TP63: variants seen among roughly 807,000 people sequenced by gnomAD.
TP63 encodes tumor protein 63.
Under a neutral mutation model 82.8 loss-of-function variants are expected in TP63, and 17 were observed. The ratio of observed to expected loss-of-function variants is 0.21; its 90% CI spans 0.14 to 0.31. The LOEUF is 0.31. TP63 is among the 10% of genes least tolerant of loss of function. The pLI is 1.00. For missense variants in TP63, 648 were observed against 895.3 expected, an observed-to-expected ratio of 0.72 and a Z score of 3.52; for synonymous variants, 330 against 321.7, an observed-to-expected ratio of 1.03 and a Z score of -0.28.
At chr3:189,880,799 T>C in intron 10 of TP63, 1 of 985,442 alleles carries the variant, frequency 1.0e-6, no homozygotes. Flanking sequence ...TTGTGAGAAC[T>C]TGCATTATTT....
chr3:189,837,982 G>A (rs1713397215), intron 4 of TP63, among the ~76,000 whole-genome samples: 1 of 152,076 alleles, frequency 6.6e-6, no homozygotes, highest in South Asian at 2.1e-4. Context: ...TTTTAATTAG[G>A]CTGGAGATTA....
At chr3:189,735,680 C>T (rs1453531683) in intron 1 of TP63, among the ~76,000 whole-genome samples, 6 of 152,160 alleles carry the variant, frequency 3.9e-5, no homozygotes, top group African/African-American at 1.4e-4. Flanking sequence ...TTCTAAATAG[C>T]CGCTTTACCC....
At chr3:189,599,591 G>C in the TP63 span, among the ~76,000 whole-genome samples, 2 of 152,286 alleles carry the variant, frequency 1.3e-5, no homozygotes, top group South Asian at 2.1e-4. Flanking sequence ...CAGTGACGGC[G>C]ATCATGGCAG....
chr3:189,766,051 G>C (rs1477607148), intron 3 of TP63, among the ~76,000 whole-genome samples: 1 of 152,076 alleles, frequency 6.6e-6, no homozygotes, highest in South Asian at 2.1e-4. Context: ...AAGAAACATT[G>C]GTGCACAGGT....
rs751802317 is a variant in TP63 at position 189,869,717 on chromosome 3, GT to G, written c.1212+325del. On this transcript the variant is annotated intron_variant, in intron 9 of 13. Transcript: ENST00000264731. ...AGAGGGCTAGAGAGCTCTCTAGGGT[GT>G]TTTTTTTTTTTTTATAAGGGCAAAA... 4.0e-3 allele frequency among the ~76,000 whole-genome samples: 541 copies of G among 136,534 alleles called. 3 individuals are homozygous for G. Among genetic ancestry groups the G allele is most frequent in the Middle Eastern group, 0.016 (4 of 254 alleles). The allele number at this position is 136,534 out of a possible 152,430, so 89.6% of individuals were successfully genotyped here. A position where few individuals can be genotyped will look rare whatever the true frequency, so the allele number is the denominator to read the frequency against.
At chr3:189,799,113 T>G (rs1726021637) in intron 3 of TP63, among the ~76,000 whole-genome samples, 1 of 152,110 alleles carries the variant, frequency 6.6e-6, no homozygotes, top group African/African-American at 2.4e-5. Flanking sequence ...GTTTTCCAGT[T>G]GCAAATAAAA....
At position 189,895,189 on chromosome 3, in the gene TP63, C is replaced by T. The variant is rs761421736; in HGVS notation, c.*687C>T. ...GTGTTGGTATATTTTATATTACTGACATTTCTTCTAGTGATGATGGTTCAC... is the reference window on the plus strand; with the variant it reads ...GTGTTGGTATATTTTATATTACTGATATTTCTTCTAGTGATGATGGTTCAC... On this transcript the variant is annotated 3_prime_UTR_variant, in exon 14 of 14. Coordinates refer to ENST00000264731, the MANE Select transcript of TP63 (RefSeq NM_003722.5). 9.1e-6 allele frequency: 2 copies of T among 220,446 alleles called. No individual in the cohort carries two copies. Among genetic ancestry groups the T allele is most frequent in the Non-Finnish European group, 1.8e-5 (2 of 110,224 alleles). 13.7% of individuals were successfully genotyped at this position (220,446 alleles called of 1,614,324 possible).
intron 3 of TP63, among the ~76,000 whole-genome samples, chr3:189,747,857 A>G (rs1721494314): frequency 1.2e-4 from 1 of 8,184 alleles, no homozygotes; most frequent in Non-Finnish European, 2.7e-4. Context: ...AGATAAAAAT[A>G]GAGAAGACTC....
intron 10 of TP63, among the ~76,000 whole-genome samples, chr3:189,875,583 A>G (rs1718952665): frequency 1.7e-5 from 1 of 58,294 alleles, no homozygotes; most frequent in Non-Finnish European, 3.6e-5. Context: ...AAAAGAAAAA[A>G]AAATACATAC....
chr3:189,603,546 C>T, the TP63 span, among the ~76,000 whole-genome samples: 2 of 149,984 alleles, frequency 1.3e-5, no homozygotes, highest in African/African-American at 4.9e-5. Flanking sequence ...GTGGCTCAAA[C>T]TAAGTTCTGC....
At position 189,896,445 on chromosome 3, in the gene TP63, T is replaced by C. The variant is rs116568110; in HGVS notation, c.*1943T>C. The C allele has an allele frequency of 1.5e-5, 3 of 199,178 alleles. No homozygotes were observed. The highest frequency in any genetic ancestry group is 2.1e-5 in the Non-Finnish European group (2 of 96,256). 12.3% of individuals were successfully genotyped at this position (199,178 alleles called of 1,614,324 possible). A position where few individuals can be genotyped will look rare whatever the true frequency, so the allele number is the denominator to read the frequency against. On this transcript the variant is annotated 3_prime_UTR_variant, in exon 14 of 14. Transcript: ENST00000264731. Reference sequence around the variant, plus strand: ...AAGAGGGGAGGGAAGGGAAAGTTTTTTTTTATTATTTTTTTAAAATTTTGT... The same window carrying C: ...AAGAGGGGAGGGAAGGGAAAGTTTTCTTTTATTATTTTTTTAAAATTTTGT...
At chr3:189,875,616 A>ACATATATATATATATATATATACG (rs1283186870) in intron 10 of TP63, among the ~76,000 whole-genome samples, 40 of 108,696 alleles carry the variant, frequency 3.7e-4, no homozygotes, top group African/African-American at 1.6e-3. Flanking sequence ...ATATATATAT[A>ACATATATATATATATATATATACG]TATATATATA....
intron 10 of TP63, among the ~76,000 whole-genome samples, chr3:189,876,570 A>G (rs571919931): frequency 6.6e-6 from 1 of 152,292 alleles, no homozygotes; most frequent in East Asian, 1.9e-4. Context: ...TTGAGTTGGT[A>G]TCTCACAGCT....
intron 3 of TP63, among the ~76,000 whole-genome samples, chr3:189,800,619 C>T (rs1485058112): frequency 3.9e-5 from 6 of 152,042 alleles, no homozygotes; most frequent in African/African-American, 1.2e-4. Flanking sequence ...AAGCGGGTTC[C>T]GGAGCCAGAT....
At chr3:189,693,498 C>T (rs1016335775) in intron 1 of TP63, among the ~76,000 whole-genome samples, 1 of 152,116 alleles carries the variant, frequency 6.6e-6, no homozygotes, top group African/African-American at 2.4e-5. Context: ...ATGATAATAG[C>T]TAAATCCAAA....
chr3:189,679,784 A>G (rs1479162242), intron 1 of TP63, among the ~76,000 whole-genome samples: 1 of 152,158 alleles, frequency 6.6e-6, no homozygotes, highest in Non-Finnish European at 1.5e-5. Flanking sequence ...AAAGTATTCA[A>G]TTGGTATTTA....
intron 1 of TP63, among the ~76,000 whole-genome samples, chr3:189,674,216 C>CT (rs1315300743): frequency 6.6e-6 from 1 of 152,024 alleles, no homozygotes; most frequent in Non-Finnish European, 1.5e-5. Context: ...TGAGAAATTT[C>CT]TTTTTCAAAC....
intron 3 of TP63, among the ~76,000 whole-genome samples, chr3:189,807,559 T>G (rs902658639): frequency 6.6e-6 from 1 of 152,180 alleles, no homozygotes; most frequent in Non-Finnish European, 1.5e-5. Flanking sequence ...TTACAAATGT[T>G]CTACTCTAGA....
intron 4 of TP63, chr3:189,829,829 T>C (rs377521617): frequency 1.5e-4 from 44 of 291,332 alleles, no homozygotes; most frequent in African/African-American, 1.0e-3. Context: ...TTTTCAAATA[T>C]TAGCCCTTTT....
Sources: gnomAD v4.1 joint callset for allele counts (sites outside exome capture counted in the v4.1 genomes callset) on GRCh38, gnomAD v4.1.1 for gene constraint, MANE v1.5 for transcripts, NCBI Gene and HGNC (gene_info 2026-07-23, HGNC 2026-07-21) for gene names.